The following SAMD12 variants were observed in gnomAD, a reference collection of about 807,000 sequenced individuals.
The protein encoded by SAMD12 is sterile alpha motif domain containing 12.
A neutral mutation model predicts 15.0 loss-of-function variants in SAMD12; 9 were observed. That is an observed-to-expected ratio of 0.60 (90% CI 0.36 to 1.05). SAMD12 has a LOEUF of 1.05. Ranked by LOEUF, SAMD12 falls within the 50% of genes least tolerant of loss-of-function variation. The pLI, the probability that SAMD12 is intolerant of heterozygous loss-of-function variation, is 0.01. For synonymous variants in SAMD12, 86 were observed against 90.1 expected, an observed-to-expected ratio of 0.96 and a Z score of 0.25; for missense variants, 230 against 234.2, an observed-to-expected ratio of 0.98 and a Z score of 0.12.
At chr8:118,479,970 C>T (rs950569689) in intron 2 of SAMD12, among the ~76,000 whole-genome samples, 1 of 152,126 alleles carries the variant, frequency 6.6e-6, no homozygotes, top group African/African-American at 2.4e-5. Context: ...ATACCAGAAT[C>T]ATATTTAGAT....
intron 2 of SAMD12, among the ~76,000 whole-genome samples, chr8:118,449,855 G>A (rs1364486383): frequency 3.3e-5 from 5 of 151,158 alleles, no homozygotes; most frequent in African/African-American, 9.7e-5. Flanking sequence ...GAAAAAGGGG[G>A]AAAATGGAAA....
intron 2 of SAMD12, among the ~76,000 whole-genome samples, chr8:118,468,231 G>C (rs546617203): frequency 6.2e-4 from 94 of 152,220 alleles, no homozygotes; most frequent in African/African-American, 1.9e-3. Context: ...TGGCAAGCTG[G>C]CCAAAAAGTG....
Position 118,439,929 on chromosome 8 carries a change from A to T in SAMD12, c.225T>A (p.Ala75=), listed in dbSNP as rs779041805. The T allele has an allele frequency of 2.5e-6, 4 of 1,613,604 alleles. No homozygotes were observed. Among genetic ancestry groups the T allele is most frequent in the Non-Finnish European group, 3.4e-6 (4 of 1,179,684 alleles). ...TGCAGACATCCTGCTGGGTCCATAGAGCCACCGGTTTAGATAGCTTCACCG... is the reference window on the plus strand; with the variant it reads ...TGCAGACATCCTGCTGGGTCCATAGTGCCACCGGTTTAGATAGCTTCACCG... ...SATVKLSKPV[A]LWTQQDVCKW... The change falls in exon 3 of 4, where the codon GCT becomes GCA. Residue 75 remains alanine, a synonymous_variant. Coordinates refer to ENST00000314727, the MANE Select transcript of SAMD12 (RefSeq NM_207506.3).
chr8:118,261,633 A>T (rs1813079256), intron 4 of SAMD12, among the ~76,000 whole-genome samples: 2 of 143,740 alleles, frequency 1.4e-5, no homozygotes, highest in South Asian at 2.3e-4. Flanking sequence ...AAAACACATG[A>T]TTTTTTTTTT....
the SAMD12 span, among the ~76,000 whole-genome samples, chr8:118,150,790 G>C: frequency 8.5e-6 from 1 of 117,536 alleles, no homozygotes; most frequent in Non-Finnish European, 1.9e-5. Flanking sequence ...ATTTCCACAT[G>C]GTATTGTTTT....
intron 1 of SAMD12, among the ~76,000 whole-genome samples, chr8:118,615,476 G>C (rs1367465620): frequency 6.6e-6 from 1 of 152,190 alleles, no homozygotes; most frequent in Non-Finnish European, 1.5e-5. Context: ...ACATCTCGTA[G>C]AGTTCCTTGT....
chr8:118,149,442 C>A, the SAMD12 span, among the ~76,000 whole-genome samples: 1 of 152,136 alleles, frequency 6.6e-6, no homozygotes, highest in Non-Finnish European at 1.5e-5. Flanking sequence ...ATATTCAAAT[C>A]TTTTGCCCAT....
rs573097284 is a variant in SAMD12 at position 118,449,738 on chromosome 8, T to A, written c.193-9777A>T. ...ATGGCGTGAACCCGGGAGGCAGAGC[T>A]TGCAGTGAGCAGAGATGGTGCCACT... On this transcript the variant is annotated intron_variant, in intron 2 of 3. Transcript: ENST00000314727. 2.1e-5 allele frequency among the ~76,000 whole-genome samples: 3 copies of A among 144,246 alleles called. 1 individual carries two copies. Among genetic ancestry groups the A allele is most frequent in the African/African-American group, 7.8e-5 (3 of 38,220 alleles). The allele number at this position is 144,246 out of a possible 152,430, so 94.6% of individuals were successfully genotyped here. A position where few individuals can be genotyped will look rare whatever the true frequency, so the allele number is the denominator to read the frequency against.
chr8:118,263,518 TA>T (rs1813131711), intron 4 of SAMD12, among the ~76,000 whole-genome samples: 1 of 152,060 alleles, frequency 6.6e-6, no homozygotes, highest in Non-Finnish European at 1.5e-5. Flanking sequence ...AAAAATCTAT[TA>T]GTGAGTCAAT....
chr8:118,287,120 A>ATTTTTTT (rs202195351), intron 4 of SAMD12, among the ~76,000 whole-genome samples: 1 of 132,810 alleles, frequency 7.5e-6, no homozygotes, highest in African/African-American at 3.0e-5. Flanking sequence ...GTAAGGAAGA[A>ATTTTTTT]TATTTTTTTT....
chr8:118,154,129 T>TAC, the SAMD12 span, among the ~76,000 whole-genome samples: 2 of 132,308 alleles, frequency 1.5e-5, no homozygotes, highest in African/African-American at 5.4e-5. Flanking sequence ...AGTCAAAGAA[T>TAC]ACACACACAC....
intron 3 of SAMD12, among the ~76,000 whole-genome samples, chr8:118,431,324 T>C (rs1255175415): frequency 6.6e-6 from 1 of 152,210 alleles, no homozygotes; most frequent in African/African-American, 2.4e-5. Flanking sequence ...ATTTATTCAT[T>C]TTCTGACATT....
intron 4 of SAMD12, among the ~76,000 whole-genome samples, chr8:118,303,899 CCTT>C (rs1328773572): frequency 1.1e-4 from 16 of 152,184 alleles, no homozygotes; most frequent in African/African-American, 3.9e-4. Context: ...CAGGCAATGA[CCTT>C]CTGCATTGTT....
chr8:118,267,661 C>A (rs1813236733), intron 4 of SAMD12, among the ~76,000 whole-genome samples: 1 of 151,402 alleles, frequency 6.6e-6, no homozygotes, highest in Non-Finnish European at 1.5e-5. Context: ...AGTTTGAAAA[C>A]CTTTATTATG....
intron 1 of SAMD12, among the ~76,000 whole-genome samples, chr8:118,586,259 CTCT>C (rs1296579219): frequency 6.6e-6 from 1 of 152,110 alleles, no homozygotes; most frequent in Non-Finnish European, 1.5e-5. Context: ...ATTAATTTTT[CTCT>C]TTTTTCTACT....
intron 2 of SAMD12, among the ~76,000 whole-genome samples, chr8:118,450,440 T>C (rs867139879): frequency 2.6e-5 from 4 of 152,054 alleles, no homozygotes; most frequent in African/African-American, 7.2e-5. Context: ...CTCATCCACA[T>C]AGATGAGCAC....
chr8:118,172,106 G>C, the SAMD12 span, among the ~76,000 whole-genome samples: 1 of 152,084 alleles, frequency 6.6e-6, no homozygotes, highest in South Asian at 2.1e-4. Flanking sequence ...GGCCTGTCGT[G>C]GGGTAGGGGG....
At chr8:118,269,283 G>C (rs1331426174) in intron 4 of SAMD12, among the ~76,000 whole-genome samples, 1 of 150,574 alleles carries the variant, frequency 6.6e-6, no homozygotes, top group Non-Finnish European at 1.5e-5. Context: ...AAATGTAGAA[G>C]TGTGCATTCG....
At chr8:118,430,879 G>C (rs2130868672) in intron 3 of SAMD12, among the ~76,000 whole-genome samples, 1 of 152,154 alleles carries the variant, frequency 6.6e-6, no homozygotes, top group South Asian at 2.1e-4. Flanking sequence ...AGTGTGTTAA[G>C]ACTATTCACA....
Sources: allele counts gnomAD v4.1 joint callset (sites outside exome capture counted in the v4.1 genomes callset), GRCh38; gene constraint gnomAD v4.1.1; transcripts MANE v1.5; gene names NCBI Gene and HGNC (gene_info 2026-07-23, HGNC 2026-07-21).